The following CDK5RAP1 variants were observed in gnomAD, a reference collection of about 807,000 sequenced individuals.
CDK5RAP1 encodes mitochondrial tRNA methylthiotransferase CDK5RAP1.
A neutral mutation model predicts 64.5 loss-of-function variants in CDK5RAP1; 62 were observed. The observed-to-expected ratio is 0.96, with a 90% CI of 0.78 to 1.19. The LOEUF (loss-of-function observed/expected upper bound fraction) is 1.19, where lower values mean the gene tolerates loss of function less well. Ranked by LOEUF, CDK5RAP1 falls within the 50% of genes most tolerant of loss-of-function variation. The probability of loss-of-function intolerance (pLI) is 0.00; values close to 1 mark genes in which losing one functional copy is unlikely to be tolerated. For missense variants in CDK5RAP1, 657 were observed against 735.0 expected, an observed-to-expected ratio of 0.89 and a Z score of 1.23; for synonymous variants, 250 against 261.9, an observed-to-expected ratio of 0.95 and a Z score of 0.44.
chr20:33,392,790 T>A (rs1988463302), intron 4 of CDK5RAP1, among the ~76,000 whole-genome samples: 1 of 151,702 alleles, frequency 6.6e-6, no homozygotes, highest in Non-Finnish European at 1.5e-5. Flanking sequence ...CAGTTTGTCC[T>A]CCCTTTAACT....
intron 12 of CDK5RAP1, among the ~76,000 whole-genome samples, chr20:33,361,488 A>T (rs923954854): frequency 6.6e-6 from 1 of 152,174 alleles, no homozygotes; most frequent in African/African-American, 2.4e-5. Context: ...CAGTTCCCAG[A>T]ACTCACATGT....
intron 10 of CDK5RAP1, among the ~76,000 whole-genome samples, chr20:33,371,739 C>T (rs148403041): frequency 2.0e-5 from 3 of 152,060 alleles, no homozygotes; most frequent in South Asian, 4.2e-4. Flanking sequence ...GCCGAGATTG[C>T]GCCACTGCAC....
At chr20:33,391,495 A>G (rs1161451743) in intron 5 of CDK5RAP1, among the ~76,000 whole-genome samples, 2 of 152,182 alleles carry the variant, frequency 1.3e-5, no homozygotes, top group East Asian at 1.9e-4. Flanking sequence ...AGCTTGCTTC[A>G]GGAGTCAGAA....
At chr20:33,371,473 G>T (rs983482525) in intron 10 of CDK5RAP1, among the ~76,000 whole-genome samples, 1 of 152,034 alleles carries the variant, frequency 6.6e-6, no homozygotes, top group Non-Finnish European at 1.5e-5. Flanking sequence ...CTATCAAAAC[G>T]AAAGTATTTG....
intron 5 of CDK5RAP1, among the ~76,000 whole-genome samples, chr20:33,388,437 C>G (rs1987739411): frequency 6.6e-6 from 1 of 152,116 alleles, no homozygotes; most frequent in African/African-American, 2.4e-5. Flanking sequence ...GCAAGCAACC[C>G]AAGTGTCTAT....
At chr20:33,360,658 G>A (rs1490938870) in intron 12 of CDK5RAP1, among the ~76,000 whole-genome samples, 167 bp from the exon 13 acceptor site, 2 of 152,182 alleles carry the variant, frequency 1.3e-5, no homozygotes, top group African/African-American at 4.8e-5. Flanking sequence ...TCACCAGCAA[G>A]GGCAGTGTAT....
Position 33,397,096 on chromosome 20 carries a change from T to G in CDK5RAP1, c.-20-12A>C, listed in dbSNP as rs773944208. On this transcript the variant is annotated splice_polypyrimidine_tract_variant and intron_variant, in intron 1 of 13. Coordinates refer to ENST00000346416, the MANE Select transcript of CDK5RAP1 (RefSeq NM_016408.4). ...AAACAGCCCACAGTCTGCAAAAGAATGACAGACATCACCAGCATTTATTGA... is the reference window on the plus strand; with the variant it reads ...AAACAGCCCACAGTCTGCAAAAGAAGGACAGACATCACCAGCATTTATTGA... 1 of 1,561,924 alleles carries G rather than the reference T, an allele frequency of 6.4e-7. No homozygotes were observed. Among genetic ancestry groups the G allele is most frequent in the Middle Eastern group, 2.0e-4 (1 of 5,036 alleles).
chr20:33,382,955 T>A (rs1986955749), intron 7 of CDK5RAP1, among the ~76,000 whole-genome samples: 3 of 151,476 alleles, frequency 2.0e-5, no homozygotes, highest in African/African-American at 7.3e-5. Context: ...CTGAGCCGGG[T>A]GAATCACCTG....
intron 9 of CDK5RAP1, 25 bp downstream of exon 9, chr20:33,374,090 T>C: frequency 6.7e-7 from 1 of 1,500,038 alleles, no homozygotes; most frequent in Non-Finnish European, 9.3e-7. Flanking sequence ...AAGTGAGGGA[T>C]GCCCCCTCTC....
intron 12 of CDK5RAP1, among the ~76,000 whole-genome samples, chr20:33,364,604 C>T (rs1307060809): frequency 6.6e-6 from 1 of 151,444 alleles, no homozygotes; most frequent in East Asian, 2.0e-4. Context: ...GACGGAGTTT[C>T]ACTTTTGTTG....
chr20:33,392,229 G>A lies in CDK5RAP1; in HGVS notation c.457C>T (p.Gln153Ter), dbSNP rs750718656. Residue 153 changes from glutamine (Q) to a stop codon, truncating the protein, a stop_gained, in exon 5 of 14, where the codon CAG becomes TAG. Transcript: ENST00000346416. LOFTEE classifies it high-confidence loss of function. ...VTCSIREKAE[Q>*]TIWNRLHQLK... ...TGATGTAAACGGTTCCAGATGGTCT[G>A]CTCAGCCTTCTCCCTAGAGAGATCA... 3 of 1,612,504 alleles carry A rather than the reference G, an allele frequency of 1.9e-6. No individual in the cohort carries two copies. Among genetic ancestry groups the A allele is most frequent in the Non-Finnish European group, 2.5e-6 (3 of 1,178,740 alleles).
chr20:33,374,196 T>G lies in CDK5RAP1; in HGVS notation c.1124A>C (p.His375Pro). ...DFPDEVLQLI[H>P]ERDNICKQIH... is the part of the protein sequence containing the mutation. ...CTGTTTACAGATGTTATCTCTCTCA[T>G]GAATCAGCTGCAGAACCTGATGAAA... The change falls in exon 9 of 14, where the codon CAT (histidine) becomes CCT (proline). Residue 375 changes from histidine (H) to proline (P), a missense_variant. Physicochemically the swap from His to Pro is moderately conservative, Grantham distance 77 (BLOSUM62 -2). Transcript: ENST00000346416. 6.2e-7 allele frequency: 1 copy of G among 1,611,866 alleles called. No individual in the cohort carries two copies. The highest frequency in any genetic ancestry group is 8.5e-7 in the Non-Finnish European group (1 of 1,177,916).
chr20:33,366,437 C>T (rs1040769667), intron 12 of CDK5RAP1, among the ~76,000 whole-genome samples: 3 of 135,118 alleles, frequency 2.2e-5, no homozygotes, highest in Middle Eastern at 3.4e-3. Context: ...GATGAAACCC[C>T]GTCTCTACTA....
intron 2 of CDK5RAP1, 39 bp from the exon 3 acceptor site, chr20:33,395,155 C>T (rs2055480293): frequency 4.2e-6 from 5 of 1,176,478 alleles, no homozygotes; most frequent in African/African-American, 3.0e-5. Context: ...GGTAGACAGA[C>T]AACAAGGGGT....
rs1984820149 is a variant in CDK5RAP1 at position 33,370,545 on chromosome 20, T to C, written c.1346A>G (p.Glu449Gly). 6.2e-7 allele frequency: 1 copy of C among 1,614,004 alleles called. No homozygotes were observed. Among genetic ancestry groups the C allele is most frequent in the South Asian group, 1.1e-5 (1 of 91,084 alleles). Reference protein sequence around the residue: ...DHVQTVSLLREVQYNMGFLFA... With the variant: ...DHVQTVSLLRGVQYNMGFLFA... ...GAGGAAGCCCATGTTGTACTGAACT[T>C]CCCGGAGCAAAGAGACTGTCTGGAC... Residue 449 changes from glutamate (E) to glycine (G), a missense_variant, in exon 11 of 14, where the codon GAA becomes GGA. By Grantham distance (98) the Glu-to-Gly change is moderately conservative. Transcript: ENST00000346416.
intron 3 of CDK5RAP1, 121 bp downstream of exon 3, chr20:33,394,892 C>T: frequency 4.3e-6 from 3 of 692,378 alleles, no homozygotes; most frequent in Non-Finnish European, 8.0e-6. Context: ...GTGAACACTT[C>T]ACCCAAGGGA....
Position 33,397,038 on chromosome 20 carries a change from T to C in CDK5RAP1, c.27A>G (p.Gln9=). 6.2e-7 allele frequency: 1 copy of C among 1,612,800 alleles called. No homozygotes were observed. The highest frequency in any genetic ancestry group is 2.2e-5 in the East Asian group (1 of 44,852). The change falls in exon 2 of 14, where the codon CAA becomes CAG. Residue 9 remains glutamine, a synonymous_variant. Coordinates refer to ENST00000346416, the MANE Select transcript of CDK5RAP1 (RefSeq NM_016408.4). ...GTCCCCACCCCAGAGACCTCTGCAC[T>C]TGGAGGACACACTGTAAAGGGTGCA... MHPLQCVL[Q]VQRSLGWGPL...
At chr20:33,365,430 C>T (rs1240581668) in intron 12 of CDK5RAP1, among the ~76,000 whole-genome samples, 1 of 151,794 alleles carries the variant, frequency 6.6e-6, no homozygotes, top group Non-Finnish European at 1.5e-5. Flanking sequence ...CACCACCATA[C>T]CCAACTAATT....
chr20:33,370,389 G>T (rs1984779619), intron 11 of CDK5RAP1, 110 bp downstream of exon 11: 3 of 1,115,358 alleles, frequency 2.7e-6, no homozygotes, highest in East Asian at 2.4e-5. Flanking sequence ...AGAGCCTGTG[G>T]TTTCTCAAGG....
Sources: gnomAD v4.1 joint callset for allele counts (sites outside exome capture counted in the v4.1 genomes callset) on GRCh38, gnomAD v4.1.1 for gene constraint, MANE v1.5 for transcripts, NCBI Gene and HGNC (gene_info 2026-07-23, HGNC 2026-07-21) for gene names.